CCDC148: variants seen among roughly 807,000 people sequenced by gnomAD.
The protein encoded by CCDC148 is coiled-coil domain containing 148, also known as coiled-coil domain-containing protein 148.
A neutral mutation model predicts 85.7 loss-of-function variants in CCDC148; 89 were observed. That is an observed-to-expected ratio of 1.04 (90% CI 0.87 to 1.24). The LOEUF is 1.24. Ranked by LOEUF, CCDC148 falls within the 50% of genes most tolerant of loss-of-function variation. The pLI is 0.00. For missense variants in CCDC148, 692 were observed against 671.7 expected (o/e 1.03, Z -0.33); for synonymous variants, 230 against 213.9 (o/e 1.08, Z -0.66).
At chr2:158,229,176 T>C (rs1016504925) in intron 10 of CCDC148, among the ~76,000 whole-genome samples, 1 of 152,094 alleles carries the variant, frequency 6.6e-6, no homozygotes, top group Non-Finnish European at 1.5e-5. Flanking sequence ...CAGAATTCTA[T>C]TATCATTGAA....
chr2:158,186,240 C>G (rs1685149818), intron 11 of CCDC148, among the ~76,000 whole-genome samples: 2 of 152,052 alleles, frequency 1.3e-5, no homozygotes, highest in South Asian at 4.1e-4. Flanking sequence ...CACACAGTCT[C>G]TTGATTTCCA....
At chr2:158,266,877 T>A (rs999834542) in intron 9 of CCDC148, among the ~76,000 whole-genome samples, 1 of 148,314 alleles carries the variant, frequency 6.7e-6, no homozygotes, top group Non-Finnish European at 1.5e-5. Flanking sequence ...TGTATTTACA[T>A]ATATATATAT....
At chr2:158,253,485 A>C (rs950112504) in intron 9 of CCDC148, among the ~76,000 whole-genome samples, 4 of 151,502 alleles carry the variant, frequency 2.6e-5, no homozygotes, top group African/African-American at 9.7e-5. Flanking sequence ...GCCCATTTTT[A>C]TCTCTCTTGT....
chr2:158,299,958 A>G (rs919119341), intron 9 of CCDC148, among the ~76,000 whole-genome samples: 4 of 152,228 alleles, frequency 2.6e-5, no homozygotes, highest in Admixed American at 6.5e-5. Context: ...GGGTCATACA[A>G]TCAGCTAGAG....
At chr2:158,251,005 G>T in intron 9 of CCDC148, 93 bp from the exon 10 acceptor site, 2 of 1,141,716 alleles carry the variant, frequency 1.8e-6, no homozygotes, top group Non-Finnish European at 1.2e-6. Flanking sequence ...TCAAGCAGAT[G>T]TCACTTTTTT....
chr2:158,301,491 T>C (rs982931554), intron 9 of CCDC148, among the ~76,000 whole-genome samples: 2 of 152,170 alleles, frequency 1.3e-5, no homozygotes, highest in Admixed American at 1.3e-4. Flanking sequence ...AAGAGAGAAC[T>C]GTGCAGAAAT....
chr2:158,246,138 A>G (rs952915874), intron 10 of CCDC148, among the ~76,000 whole-genome samples: 1 of 152,160 alleles, frequency 6.6e-6, no homozygotes. Flanking sequence ...AGTTTTGCAC[A>G]TGGCACAGTT....
At chr2:158,353,011 C>T (rs1184651955) in intron 2 of CCDC148, among the ~76,000 whole-genome samples, 8 of 151,398 alleles carry the variant, frequency 5.3e-5, no homozygotes, top group African/African-American at 1.9e-4. Flanking sequence ...AAATACTTTA[C>T]AGACAAGCAA....
chr2:158,316,604 T>C (rs772545692), intron 7 of CCDC148, among the ~76,000 whole-genome samples: 10 of 152,348 alleles, frequency 6.6e-5, no homozygotes, highest in Non-Finnish European at 1.2e-4. Context: ...GGAAATGATA[T>C]ATAAATACTC....
intron 11 of CCDC148, among the ~76,000 whole-genome samples, chr2:158,210,580 A>G (rs750085873): frequency 2.0e-5 from 3 of 152,094 alleles, no homozygotes; most frequent in Non-Finnish European, 4.4e-5. Context: ...CTCCTCAGCA[A>G]ATGCAAAAGA....
At chr2:158,316,563 G>A (rs1421114852) in intron 7 of CCDC148, among the ~76,000 whole-genome samples, 1 of 152,106 alleles carries the variant, frequency 6.6e-6, no homozygotes, top group African/African-American at 2.4e-5. Context: ...TTTAGTACAT[G>A]TAGAATAAAA....
chr2:158,402,432 CAAAA>C (rs5835702), intron 1 of CCDC148, among the ~76,000 whole-genome samples: 1 of 143,108 alleles, frequency 7.0e-6, no homozygotes, highest in Admixed American at 7.0e-5. Context: ...AGAAAGTAGT[CAAAA>C]AAAAAAAAAA....
At chr2:158,370,974 G>C (rs934910281) in intron 1 of CCDC148, among the ~76,000 whole-genome samples, 1 of 151,550 alleles carries the variant, frequency 6.6e-6, no homozygotes, top group Non-Finnish European at 1.5e-5. Context: ...TGGGTAGTAG[G>C]ATTATACTTA....
chr2:158,431,085 T>C (rs1687326302), intron 1 of CCDC148, among the ~76,000 whole-genome samples: 1 of 150,632 alleles, frequency 6.6e-6, no homozygotes, highest in Non-Finnish European at 1.5e-5. Context: ...CAATGATATA[T>C]CAGATAATAC....
intron 1 of CCDC148, among the ~76,000 whole-genome samples, chr2:158,411,344 T>C (rs1249978970): frequency 6.6e-6 from 1 of 152,136 alleles, no homozygotes; most frequent in Non-Finnish European, 1.5e-5. Flanking sequence ...CACTTGAAAA[T>C]GTCCCATAAA....
intron 1 of CCDC148, among the ~76,000 whole-genome samples, chr2:158,385,992 C>A (rs1433458433): frequency 2.0e-5 from 3 of 152,114 alleles, no homozygotes; most frequent in Non-Finnish European, 1.5e-5. Flanking sequence ...TGGCCTCTCA[C>A]TCCTAATGTG....
At chr2:158,407,585 C>T (rs2105311611) in intron 1 of CCDC148, among the ~76,000 whole-genome samples, 1 of 152,128 alleles carries the variant, frequency 6.6e-6, no homozygotes, top group East Asian at 1.9e-4. Context: ...CAGCCAGAAC[C>T]CTGGACCAGT....
rs1001449892 is a variant in CCDC148 at position 158,456,732 on chromosome 2, G to T, written c.-293C>A. On this transcript the variant is annotated 5_prime_UTR_variant, in exon 1 of 14. Transcript: ENST00000283233. ...ACCCACCCTCTCCAGGCCCTCTCGC[G>T]CTGAACAGCATCGGTCTCTATGGCG... 2.2e-6 allele frequency: 1 copy of T among 461,870 alleles called. No homozygotes were observed. Among genetic ancestry groups the T allele is most frequent in the Non-Finnish European group, 3.9e-6 (1 of 256,148 alleles). The allele number at this position is 461,870 out of a possible 1,614,324, so 28.6% of individuals were successfully genotyped here.
At chr2:158,235,581 T>A (rs1688065599) in intron 10 of CCDC148, 1 of 152,200 alleles carries the variant, frequency 6.6e-6, no homozygotes, top group Admixed American at 6.5e-5. Flanking sequence ...TATTAGCAAA[T>A]AAGAGCTATA....
Sources: allele counts gnomAD v4.1 joint callset (sites outside exome capture counted in the v4.1 genomes callset), GRCh38; gene constraint gnomAD v4.1.1; transcripts MANE v1.5; gene names NCBI Gene and HGNC (gene_info 2026-07-23, HGNC 2026-07-21).